Variants in KIAA1210 observed in about 807,000 individuals in gnomAD.
KIAA1210 encodes acrosomal protein KIAA1210.
KIAA1210 carries 48 observed loss-of-function variants against 78.9 expected under a neutral mutation model. The observed-to-expected ratio is 0.61, with a 90% CI of 0.48 to 0.77. The LOEUF (loss-of-function observed/expected upper bound fraction) is 0.77, where lower values mean the gene tolerates loss of function less well. Ranked by LOEUF, KIAA1210 falls within the 30% of genes least tolerant of loss-of-function variation. KIAA1210 has a pLI of 0.00. For synonymous variants in KIAA1210, 406 were observed against 404.5 expected (o/e 1.00, Z -0.04); for missense variants, 1,108 against 1,100.0 (o/e 1.01, Z -0.10).
At chrX:119,099,611 T>C (rs181851596) in intron 6 of KIAA1210, among the ~76,000 whole-genome samples, 30 of 112,509 alleles carry the variant, frequency 2.7e-4, no homozygotes, top group Non-Finnish European at 5.3e-4. Flanking sequence ...AGATTATATG[T>C]ATATGTTATG....
chrX:119,085,512 G>C lies in KIAA1210; in HGVS notation c.4191C>G (p.Val1397=). The change falls in exon 10 of 12, where the codon GTC becomes GTG. Residue 1397 remains valine, a synonymous_variant. Transcript: ENST00000691062. ...CCATAGTTATCCAAACCGGCTCTGA[G>C]ACAGCATAATCTGACTGTTGACCAG... ...KPAGQQSDYA[V]SEPVWITMAK... 8.3e-7 allele frequency: 1 copy of C among 1,211,043 alleles called. No homozygotes were observed. The highest frequency in any genetic ancestry group is 1.8e-5 in the South Asian group (1 of 56,732).
chrX:119,128,839 C>A (rs1191042298), upstream of KIAA1210, among the ~76,000 whole-genome samples: 1 of 110,443 alleles, frequency 9.1e-6, no homozygotes, highest in Non-Finnish European at 1.9e-5. Context: ...CCACTCCCTG[C>A]TAATTGTGTA....
At chrX:119,131,943 GCA>G (rs773311674), upstream of KIAA1210, among the ~76,000 whole-genome samples, 2 of 112,080 alleles carry the variant, frequency 1.8e-5, no homozygotes, top group Non-Finnish European at 3.8e-5. Flanking sequence ...GCATGGTGGT[GCA>G]CACCTGTAGT....
chrX:119,145,876 A>T (rs768891143), intron 2 of KIAA1210, among the ~76,000 whole-genome samples: 1 of 112,296 alleles, frequency 8.9e-6, no homozygotes, highest in South Asian at 3.7e-4. Context: ...GAGAGTAAAG[A>T]TGCCAAGAGG....
upstream of KIAA1210, among the ~76,000 whole-genome samples, chrX:119,128,771 G>A (rs1206066861): frequency 1.8e-5 from 2 of 111,278 alleles, no homozygotes; most frequent in African/African-American, 6.5e-5. Context: ...CGCCACCCGG[G>A]TTCAAGTAAC....
intron 1 of KIAA1210, among the ~76,000 whole-genome samples, chrX:119,125,744 T>A (rs1481468287): frequency 1.6e-5 from 1 of 61,873 alleles, no homozygotes; most frequent in Admixed American, 2.1e-4. Flanking sequence ...TATTTTTTTT[T>A]TTTTTTTTTT....
At chrX:119,126,559 C>T (rs758504975) in intron 1 of KIAA1210, among the ~76,000 whole-genome samples, 15 of 112,063 alleles carry the variant, frequency 1.3e-4, no homozygotes, top group Admixed American at 3.8e-4. Context: ...TCAATAATTA[C>T]CCCGCTCACA....
intron 2 of KIAA1210, among the ~76,000 whole-genome samples, chrX:119,139,655 C>T (rs936525497): frequency 6.3e-5 from 7 of 111,777 alleles, no homozygotes; most frequent in Non-Finnish European, 1.1e-4. Flanking sequence ...ATGAGATGTT[C>T]TGCAGTTACC....
chrX:119,134,198 T>C (rs1368783313), intron 2 of KIAA1210, among the ~76,000 whole-genome samples: 1 of 111,896 alleles, frequency 8.9e-6, no homozygotes, highest in Non-Finnish European at 1.9e-5. Context: ...AACTTTTTCA[T>C]CTTCCACATA....
chrX:119,084,703 C>G (rs1927077221), intron 10 of KIAA1210, among the ~76,000 whole-genome samples: 1 of 111,225 alleles, frequency 9.0e-6, no homozygotes, highest in South Asian at 3.8e-4. Flanking sequence ...CACCAGATAA[C>G]TTACTCATGT....
chrX:119,147,736 C>T (rs1008919291), intron 1 of KIAA1210: 1 of 606,598 alleles, frequency 1.6e-6, no homozygotes. Flanking sequence ...AGGCCAGAGG[C>T]CTGGAGAAGA....
chrX:119,086,574 G>A lies in KIAA1210; in HGVS notation c.4128C>T (p.Ala1376=). 8.3e-7 allele frequency: 1 copy of A among 1,207,455 alleles called. No homozygotes were observed. The highest frequency in any genetic ancestry group is 1.1e-6 in the Non-Finnish European group (1 of 893,899). Residue 1376 remains alanine, a synonymous_variant, in exon 9 of 12, where the codon GCC becomes GCT. Transcript: ENST00000691062. ...QQSRPKSESM[A]KKQPACKTPG... ...GGGTCTTGCAAGCAGGTTGCTTCTT[G>A]GCCATGCTTTCAGATTTGGGCCTGC...
intron 2 of KIAA1210, among the ~76,000 whole-genome samples, chrX:119,141,869 G>A (rs1929056914): frequency 8.9e-6 from 1 of 112,689 alleles, no homozygotes; most frequent in Non-Finnish European, 1.9e-5. Context: ...GATGAAGGAA[G>A]TAGGTGGAAT....
At chrX:119,150,360 G>A (rs1929265421) in exon 1 of KIAA1210, 2 of 1,209,646 alleles carry the variant, frequency 1.7e-6, no homozygotes, top group African/African-American at 3.5e-5. Context: ...GGTATTTCCA[G>A]GTCAGTCACT....
intron 8 of KIAA1210, among the ~76,000 whole-genome samples, chrX:119,090,298 C>T (rs1455651213): frequency 9.1e-6 from 1 of 110,072 alleles, no homozygotes; most frequent in Admixed American, 9.7e-5. Context: ...AAATTTCACA[C>T]TTTGAATTCA....
At chrX:119,095,989 T>C (rs1219020891) in intron 7 of KIAA1210, among the ~76,000 whole-genome samples, 1 of 111,908 alleles carries the variant, frequency 8.9e-6, no homozygotes, top group Non-Finnish European at 1.9e-5. Context: ...ACAGTAGGTC[T>C]GCTTCCTGGA....
intron 2 of KIAA1210, among the ~76,000 whole-genome samples, chrX:119,122,787 G>A (rs1208541142): frequency 1.8e-5 from 2 of 111,856 alleles, no homozygotes. Flanking sequence ...CCCAAGCACT[G>A]CCATTAAGAA....
In KIAA1210 at chrX:119,088,853, A is replaced by G. The variant is rs1257079066; in HGVS notation, c.1849T>C (p.Ser617Pro). The stretch of plus-strand genomic sequence containing the variant: ...GAGTGACCATGAGCCAGTTCTTCAG[A>G]ACCATCCCCCTCCTCAGGAATATTC... Reference protein sequence around the residue: ...SENIPEEGDGSEELAHGHSSQ... With the variant: ...SENIPEEGDGPEELAHGHSSQ... The change falls in exon 9 of 12, where the codon TCT becomes CCT. Residue 617 changes from serine to proline, a missense_variant. Around this residue, in one of 5 missense-constraint regions of KIAA1210, gnomAD observed 672 missense variants for 607.1 expected, o/e 1.11. Coordinates refer to ENST00000691062, the MANE Select transcript of KIAA1210 (RefSeq NM_001394962.1). 3.3e-6 allele frequency: 4 copies of G among 1,211,361 alleles called. No individual in the cohort carries two copies. The highest frequency in any genetic ancestry group is 4.3e-5 in the Admixed American group (2 of 46,015).
intron 2 of KIAA1210, among the ~76,000 whole-genome samples, chrX:119,118,248 A>G (rs1376620388): frequency 8.9e-6 from 1 of 111,742 alleles, no homozygotes; most frequent in Non-Finnish European, 1.9e-5. Flanking sequence ...ATTCACTATC[A>G]ATTAGCTCTG....
Sources: allele counts gnomAD v4.1 joint callset (sites outside exome capture counted in the v4.1 genomes callset), GRCh38; gene constraint gnomAD v4.1.1; regional missense constraint gnomAD v4.1.1; transcripts MANE v1.5; gene names NCBI Gene and HGNC (gene_info 2026-07-23, HGNC 2026-07-21).